Variants in MROH2A observed in about 807,000 individuals in gnomAD.
MROH2A encodes the protein maestro heat-like repeat-containing protein family member 2A.
Under a neutral mutation model 200.4 loss-of-function variants are expected in MROH2A, and 174 were observed. The observed-to-expected ratio is 0.87, with a 90% CI of 0.77 to 0.98. The LOEUF (loss-of-function observed/expected upper bound fraction) is 0.98. Among genes scored for constraint, MROH2A ranks in the 50% least tolerant of loss-of-function variants. The pLI is 0.00. For missense variants in MROH2A, 2,045 were observed against 2,139.6 expected (o/e 0.96, Z 0.87); for synonymous variants, 829 against 840.4 (o/e 0.99, Z 0.23).
rs541380181 is a variant in MROH2A at position 233,785,081 on chromosome 2, G to A, written c.277-4416G>A. ...GAATTGCTTGAACCCGGGAGGTGGA[G>A]GTTGCAGTGAGCTGAGATCGTGCCA... On this transcript the variant is annotated intron_variant, in intron 3 of 41. Transcript: ENST00000389758. Among the ~76,000 whole-genome samples, 5 of 152,224 alleles carry A rather than the reference G, an allele frequency of 3.3e-5. No homozygotes were observed. In the South Asian group the frequency reaches 1.0e-3, roughly 32 times the overall value.
chr2:233,815,865 G>A (rs1050946003), intron 26 of MROH2A, among the ~76,000 whole-genome samples: 2 of 77,740 alleles, frequency 2.6e-5, no homozygotes, highest in African/African-American at 1.1e-4. Context: ...TTTTTTTTTT[G>A]CTGCATCTCA....
Position 233,802,288 on chromosome 2 carries a change from G to A in MROH2A, c.1681G>A (p.Val561Ile). Residue 561 changes from valine (V) to isoleucine (I), a missense_variant, in exon 15 of 42, where the codon GTC becomes ATC. Physicochemically the swap from Val to Ile is conservative, Grantham distance 29. Transcript: ENST00000389758. Reference protein sequence around the residue: ...EHQLHGQDVDVSVAGKSRQVD... With the variant: ...EHQLHGQDVDISVAGKSRQVD... Reference sequence around the variant, plus strand: ...CCAGCTCCATGGCCAGGATGTGGATGTCAGCGTGGCTGGCAAGAGCAGGCA... The same window carrying A: ...CCAGCTCCATGGCCAGGATGTGGATATCAGCGTGGCTGGCAAGAGCAGGCA... 1 of 1,550,444 alleles carries A rather than the reference G, an allele frequency of 6.4e-7. No homozygotes were observed. Among genetic ancestry groups the A allele is most frequent in the African/African-American group, 1.4e-5 (1 of 73,138 alleles).
rs1023984208 is a variant in MROH2A at position 233,819,410 on chromosome 2, G to T, written c.3298G>T (p.Ala1100Ser). Residue 1100 changes from alanine (A) to serine (S), a missense_variant, in exon 30 of 42, where the codon GCC becomes TCC. By Grantham distance (99) the Ala-to-Ser change is moderately conservative (BLOSUM62 1). This residue lies in a region of MROH2A where 1,201 missense variants were observed against 1,311.3 expected (regional missense o/e 0.92). Transcript: ENST00000389758. The stretch of plus-strand genomic sequence containing the variant: ...GGCCATGAACCTGCAGCATGACAAG[G>T]CCTCTGTCACCTGGATAGCCTTCTT... ...TGAMNLQHDK[A>S]SVTWIAFFLQ... 6.4e-7 allele frequency: 1 copy of T among 1,550,604 alleles called. No homozygotes were observed. Among genetic ancestry groups the T allele is most frequent in the African/African-American group, 1.4e-5 (1 of 73,170 alleles).
chr2:233,799,534 G>A (rs903429369), intron 12 of MROH2A, among the ~76,000 whole-genome samples: 3 of 152,142 alleles, frequency 2.0e-5, no homozygotes, highest in African/African-American at 4.8e-5. Context: ...TGGAGCAGCC[G>A]AGGTTGGAAG....
intron 38 of MROH2A, among the ~76,000 whole-genome samples, chr2:233,830,323 C>T (rs1165668849): frequency 2.0e-5 from 3 of 152,166 alleles, no homozygotes; most frequent in Admixed American, 2.0e-4. Flanking sequence ...AGGATCCTCA[C>T]TCCCTGCATG....
At chr2:233,817,687 C>T (rs1027010992) in intron 27 of MROH2A, among the ~76,000 whole-genome samples, 4 of 152,216 alleles carry the variant, frequency 2.6e-5, no homozygotes, top group Non-Finnish European at 5.9e-5. Context: ...GAGCAGGAAG[C>T]TCTGATTTGA....
chr2:233,818,289 C>T (rs567802660), intron 28 of MROH2A, among the ~76,000 whole-genome samples, 164 bp downstream of exon 28: 26 of 152,244 alleles, frequency 1.7e-4, no homozygotes, highest in African/African-American at 6.0e-4. Context: ...GGGGAGAGTT[C>T]ACCAACAGGC....
At chr2:233,784,686 G>A (rs759772893) in intron 3 of MROH2A, among the ~76,000 whole-genome samples, 10 of 152,140 alleles carry the variant, frequency 6.6e-5, no homozygotes, top group Non-Finnish European at 1.2e-4. Flanking sequence ...TGATGCACTG[G>A]CTCCCCTTTT....
chr2:233,803,915 C>T (rs925151000), intron 16 of MROH2A, 136 bp from the exon 17 acceptor site: 5 of 1,157,504 alleles, frequency 4.3e-6, no homozygotes, highest in Non-Finnish European at 6.0e-6. Flanking sequence ...TCTGCAGGTG[C>T]ACTCTCTATT....
At chr2:233,779,525 T>C in intron 2 of MROH2A, 73 bp downstream of exon 2, 1 of 1,405,060 alleles carries the variant, frequency 7.1e-7, no homozygotes, top group South Asian at 1.2e-5. Context: ...AGCCCCAGCC[T>C]AGGTCTCCCT....
Position 233,828,745 on chromosome 2 carries a change from C to A in MROH2A, c.4229C>A (p.Ala1410Asp). ...GCCCTGCGGGTGCTGTCCCTGCGCG[C>A]CCTCGGCAACATGGCCCTGGGCGCC... ...DEALRVLSLR[A>D]LGNMALGAPK... is the part of the protein sequence containing the mutation. Residue 1410 changes from alanine (A) to aspartate (D), a missense_variant, in exon 36 of 42, where the codon GCC becomes GAC. Ala to Asp is a moderately radical substitution (Grantham distance 126). Transcript: ENST00000389758. The surrounding 1 kb of genome is among the most constrained non-coding windows in gnomAD (Gnocchi z 4.6). 6.4e-7 allele frequency: 1 copy of A among 1,550,462 alleles called. No individual in the cohort carries two copies. The highest frequency in any genetic ancestry group is 8.7e-7 in the Non-Finnish European group (1 of 1,146,912).
rs540056154 is a variant in MROH2A at position 233,778,721 on chromosome 2, T to C, written c.-15+240T>C. Among the ~76,000 whole-genome samples, 7 of 152,342 alleles carry C rather than the reference T, an allele frequency of 4.6e-5. No individual in the cohort carries two copies. The South Asian group carries it at 8.3e-4, about 18-fold the overall frequency. The stretch of plus-strand genomic sequence containing the variant: ...GTTATGAGAGATACTGATATGAATT[T>C]CTCATTAGCCATTAATTATCAGTGT... On this transcript the variant is annotated intron_variant, in intron 1 of 41. Transcript: ENST00000389758.
Position 233,807,903 on chromosome 2 carries a change from G to A in MROH2A, c.2295+48G>A. ...CTGGGTCTTGGGATCTCTTAGCACA[G>A]TGCTCTGGGCACTGACACAAAGTCC... On this transcript the variant is annotated intron_variant, in intron 21 of 41. Transcript: ENST00000389758. The surrounding 1 kb of genome is among the most constrained non-coding windows in gnomAD (Gnocchi z 4.3). 6.5e-7 allele frequency: 1 copy of A among 1,550,268 alleles called. No individual in the cohort carries two copies. Among genetic ancestry groups the A allele is most frequent in the South Asian group, 1.2e-5 (1 of 84,052 alleles).
chr2:233,779,546 G>A (rs1700832311), intron 2 of MROH2A, 94 bp downstream of exon 2: 2 of 1,388,354 alleles, frequency 1.4e-6, no homozygotes, highest in African/African-American at 1.4e-5. Context: ...TTCTCCATCT[G>A]CACAGTGGAC....
At chr2:233,824,288 A>C (rs1704157903) in intron 35 of MROH2A, among the ~76,000 whole-genome samples, 1 of 152,046 alleles carries the variant, frequency 6.6e-6, no homozygotes, top group African/African-American at 2.4e-5. Flanking sequence ...TGTGCCATAG[A>C]ATTTTCTTTT....
rs928381238 is a variant in MROH2A, at chr2:233,807,017, C to A, written c.2053-406C>A. ...CCTTAGCATCCTCATAGCTTAGCTC[C>A]CACTTATGAGTGAGAACATACGACG... On this transcript the variant is annotated intron_variant, in intron 19 of 41. Coordinates refer to ENST00000389758, the MANE Select transcript of MROH2A (RefSeq NM_001394639.1). The surrounding 1 kb of genome is among the most constrained non-coding windows in gnomAD (Gnocchi z 4.3). Among the ~76,000 whole-genome samples the A allele has an allele frequency of 2.0e-5, 3 of 152,068 alleles. No homozygotes were observed. The highest frequency in any genetic ancestry group is 2.0e-4 in the Admixed American group (3 of 15,256).
intron 26 of MROH2A, among the ~76,000 whole-genome samples, chr2:233,816,276 G>T (rs1012807289): frequency 1.3e-5 from 2 of 152,140 alleles, no homozygotes; most frequent in Non-Finnish European, 2.9e-5. Context: ...TGAGAAAAAG[G>T]CACTGAAATC....
rs572052614 is a variant in MROH2A at position 233,791,015 on chromosome 2, G to A, written c.571+1001G>A. Among the ~76,000 whole-genome samples the A allele has an allele frequency of 1.1e-3, 163 of 152,308 alleles. 2 individuals carry two copies. The highest frequency in any genetic ancestry group is 2.5e-3 in the South Asian group (12 of 4,824). On this transcript the variant is annotated intron_variant, in intron 5 of 41. Transcript: ENST00000389758. ...GGATGTCTGTGTGAAGCATAGGACC[G>A]GGAGAGCATTCCACACGGAGAGAAC...
intron 26 of MROH2A, among the ~76,000 whole-genome samples, chr2:233,815,278 G>T (rs1442845550): frequency 1.3e-5 from 2 of 152,154 alleles, no homozygotes; most frequent in African/African-American, 4.8e-5. Flanking sequence ...TCTTTTTATA[G>T]AACCTTTTAC....
Sources: gnomAD v4.1 joint callset for allele counts (sites outside exome capture counted in the v4.1 genomes callset) on GRCh38, gnomAD v4.1.1 for gene constraint, gnomAD v4.1.1 regional missense constraint, Gnocchi (gnomAD v3.1) non-coding constraint, MANE v1.5 for transcripts, NCBI Gene and HGNC (gene_info 2026-07-23, HGNC 2026-07-21) for gene names.